Variants in VAV1 observed in about 807,000 individuals in gnomAD.
VAV1 encodes the protein proto-oncogene vav.
A neutral mutation model predicts 128.1 loss-of-function variants in VAV1; 33 were observed. The ratio of observed to expected loss-of-function variants is 0.26; its 90% CI spans 0.20 to 0.34. The LOEUF (loss-of-function observed/expected upper bound fraction) is 0.34. VAV1 is among the 10% of genes least tolerant of loss of function. The probability of loss-of-function intolerance (pLI) is 1.00; values close to 1 mark genes in which losing one functional copy is unlikely to be tolerated. For missense variants in VAV1, 715 were observed against 1,093.7 expected (o/e 0.65, Z 4.88); for synonymous variants, 394 against 409.8 (o/e 0.96, Z 0.47).
intron 21 of VAV1, 145 bp downstream of exon 21, chr19:6,837,195 A>C: frequency 2.6e-6 from 2 of 758,848 alleles, no homozygotes; most frequent in Non-Finnish European, 2.1e-6. Context: ...GGCTTCACCC[A>C]CCCCACCAAC....
chr19:6,827,652 G>A (rs1179543445), intron 9 of VAV1, among the ~76,000 whole-genome samples: 1 of 152,064 alleles, frequency 6.6e-6, no homozygotes, highest in East Asian at 1.9e-4. Flanking sequence ...AGGTTGGAGT[G>A]AAGTGGTGTG....
intron 1 of VAV1, among the ~76,000 whole-genome samples, chr19:6,798,642 GA>G (rs1185761861): frequency 6.6e-6 from 1 of 151,452 alleles, no homozygotes; most frequent in African/African-American, 2.4e-5. Context: ...GACAGAGTGA[GA>G]CCCTGTTTCT....
intron 1 of VAV1, among the ~76,000 whole-genome samples, chr19:6,799,978 T>C (rs780187115): frequency 2.1e-4 from 32 of 152,024 alleles, no homozygotes; most frequent in Non-Finnish European, 3.7e-4. Flanking sequence ...ATATATCGTA[T>C]GATAGGTGCA....
chr19:6,797,976 T>C (rs2144725423), intron 1 of VAV1, among the ~76,000 whole-genome samples: 1 of 150,822 alleles, frequency 6.6e-6, no homozygotes, highest in Admixed American at 6.6e-5. Context: ...ATACAGTAAA[T>C]TACATATTTA....
At chr19:6,800,254 C>A (rs1412726663) in intron 1 of VAV1, among the ~76,000 whole-genome samples, 1 of 152,016 alleles carries the variant, frequency 6.6e-6, no homozygotes, top group Admixed American at 6.6e-5. Context: ...AGTGGATCTG[C>A]CATGTGATGT....
chr19:6,785,814 C>T (rs1363547703), intron 1 of VAV1, among the ~76,000 whole-genome samples: 1 of 151,854 alleles, frequency 6.6e-6, no homozygotes, highest in Non-Finnish European at 1.5e-5. Context: ...GACGCACCAC[C>T]ACACCCAGCT....
chr19:6,829,716 G>T, intron 13 of VAV1, 70 bp from the exon 14 acceptor site: 1 of 1,593,724 alleles, frequency 6.3e-7, no homozygotes, highest in South Asian at 1.1e-5. Context: ...AGGATGTGGA[G>T]GAACTGGTCA....
chr19:6,833,775 G>A (rs768010898), intron 18 of VAV1, 42 bp downstream of exon 18: 1 of 1,614,020 alleles, frequency 6.2e-7, no homozygotes, highest in Admixed American at 1.7e-5. Context: ...CACAAATAAT[G>A]GGCAACAGCG....
At chr19:6,821,123 C>G (rs570714563) in intron 2 of VAV1, among the ~76,000 whole-genome samples, 1 of 152,114 alleles carries the variant, frequency 6.6e-6, no homozygotes, top group Admixed American at 6.6e-5. Context: ...GATAGAGGGC[C>G]GGGCGCAGTG....
chr19:6,784,378 C>G (rs1025927397), intron 1 of VAV1: 2 of 416,018 alleles, frequency 4.8e-6, no homozygotes, highest in Non-Finnish European at 4.3e-6. Context: ...GCAACTTCAG[C>G]AAAATGGGTT....
chr19:6,785,922 G>T (rs535983781), intron 1 of VAV1, among the ~76,000 whole-genome samples: 1 of 152,024 alleles, frequency 6.6e-6, no homozygotes, highest in Non-Finnish European at 1.5e-5. Context: ...GCCTCCCAAA[G>T]TGCTGGGATT....
At chr19:6,801,698 G>A (rs1971274303) in intron 1 of VAV1, among the ~76,000 whole-genome samples, 2 of 152,138 alleles carry the variant, frequency 1.3e-5, no homozygotes, top group Non-Finnish European at 2.9e-5. Context: ...CCCTGGTGCT[G>A]GGGTGGGGGT....
Position 6,791,915 on chromosome 19 carries a change from G to A in VAV1, c.204+18904G>A, listed in dbSNP as rs771111918. ...GAAGAATCAGAATGAAGGAGCTTCT[G>A]GAAGGAAGGGAGTGAGTGGAGGGAG... On this transcript the variant is annotated intron_variant, in intron 1 of 26. Transcript: ENST00000602142. 1.7e-4 allele frequency among the ~76,000 whole-genome samples: 26 copies of A among 152,114 alleles called. 1 individual carries two copies. The highest frequency in any genetic ancestry group is 2.6e-4 in the Non-Finnish European group (18 of 68,032).
intron 1 of VAV1, chr19:6,784,354 G>A: frequency 2.3e-6 from 1 of 430,442 alleles, no homozygotes; most frequent in Non-Finnish European, 4.2e-6. Flanking sequence ...TGGGGATGAG[G>A]GAGCTGGGTG....
intron 21 of VAV1, among the ~76,000 whole-genome samples, chr19:6,841,178 G>GCC (rs111618234): frequency 0.014 from 2,130 of 152,144 alleles, 44 homozygotes; most frequent in African/African-American, 0.046. Context: ...GCTTCCCAAA[G>GCC]TGCTAGGATT....
In VAV1 at chr19:6,833,720, G is replaced by A; in HGVS notation, c.1718G>A (p.Gly573Glu). The A allele has an allele frequency of 6.2e-7, 1 of 1,614,102 alleles. No individual in the cohort carries two copies. The highest frequency in any genetic ancestry group is 8.5e-7 in the Non-Finnish European group (1 of 1,180,028). The change falls in exon 18 of 27, where the codon GGA becomes GAA. Residue 573 changes from glycine (G) to glutamate (E), a missense_variant. Around this residue, in one of 3 missense-constraint regions of VAV1, gnomAD observed 407 missense variants for 580.6 expected, o/e 0.70. Transcript: ENST00000602142. The stretch of plus-strand genomic sequence containing the variant: ...CTTTACCCTCCCGTAGATTTCCCAG[G>A]AACTATGAAGAAGGTAAGACTTTCC... Reference protein sequence around the residue: ...PCGRHGQDFPGTMKKDKLHRR... With the variant: ...PCGRHGQDFPETMKKDKLHRR...
Position 6,822,499 on chromosome 19 carries a change from G to A in VAV1, c.639G>A (p.Leu213=), listed in dbSNP as rs539569513. 6 of 1,550,964 alleles carry A rather than the reference G, an allele frequency of 3.9e-6. No homozygotes were observed. In the Admixed American group the frequency reaches 9.7e-5, roughly 25 times the overall value. The change falls in exon 6 of 27, where the codon CTG becomes CTA. Residue 213 remains leucine, a synonymous_variant. Transcript: ENST00000602142. This position sits in a 1 kb window ranked among gnomAD's most constrained non-coding sequence, Gnocchi z 5.9. Reference sequence around the variant, plus strand: ...CGGAGGAGAAGTACACTGACACGCTGGGCTCCATCCAGCAGGTGGGCGCCT... The same window carrying A: ...CGGAGGAGAAGTACACTGACACGCTAGGCTCCATCCAGCAGGTGGGCGCCT... The part of the protein sequence containing the change: ...QQTEEKYTDT[L]GSIQQHFLKP...
intron 1 of VAV1, among the ~76,000 whole-genome samples, chr19:6,809,691 T>C (rs1415146746): frequency 6.6e-6 from 1 of 152,100 alleles, no homozygotes; most frequent in Admixed American, 6.6e-5. Flanking sequence ...GAAGGTGGGC[T>C]GGGAGGAGTA....
intron 1 of VAV1, among the ~76,000 whole-genome samples, chr19:6,787,861 G>C (rs1390708375): frequency 6.6e-6 from 1 of 152,004 alleles, no homozygotes; most frequent in Non-Finnish European, 1.5e-5. Flanking sequence ...TGGATCACGA[G>C]GTCAGGAGAT....
Sources: allele counts gnomAD v4.1 joint callset (sites outside exome capture counted in the v4.1 genomes callset), GRCh38; gene constraint gnomAD v4.1.1; regional missense constraint gnomAD v4.1.1; non-coding constraint Gnocchi (gnomAD v3.1); transcripts MANE v1.5; gene names NCBI Gene and HGNC (gene_info 2026-07-23, HGNC 2026-07-21).